Variants in SAMMSON observed in about 807,000 individuals in gnomAD.
SAMMSON encodes survival associated mitochondrial melanoma specific oncogenic non-coding RNA.
intron 4 of SAMMSON, among the ~76,000 whole-genome samples, chr3:70,213,434 G>A (rs1265580383): frequency 3.9e-5 from 6 of 152,052 alleles, no homozygotes; most frequent in South Asian, 2.1e-4. Context: ...TATTTCAAAC[G>A]TATAGACCAT....
At chr3:70,087,426 A>C (rs142032706) in intron 4 of SAMMSON, among the ~76,000 whole-genome samples, 4 of 152,306 alleles carry the variant, frequency 2.6e-5, no homozygotes, top group African/African-American at 7.2e-5. Context: ...TCTCAGCCTG[A>C]GACCTTTTTC....
chr3:70,112,511 C>T (rs1206811622), intron 4 of SAMMSON, among the ~76,000 whole-genome samples: 1 of 151,774 alleles, frequency 6.6e-6, no homozygotes, highest in East Asian at 1.9e-4. Context: ...TATGAGTTAG[C>T]CTGAAAGGAT....
chr3:70,294,614 A>AGCT (rs921639770), intron 7 of SAMMSON, among the ~76,000 whole-genome samples: 2 of 152,180 alleles, frequency 1.3e-5, no homozygotes, highest in African/African-American at 4.8e-5. Flanking sequence ...GCATGCTTTC[A>AGCT]GCTGCAAATA....
chr3:70,149,852 C>T (rs1263288504), intron 4 of SAMMSON, among the ~76,000 whole-genome samples: 3 of 151,954 alleles, frequency 2.0e-5, no homozygotes, highest in Non-Finnish European at 2.9e-5. Flanking sequence ...GGTTTGTGGC[C>T]CCAAGTTACA....
At position 70,402,645 on chromosome 3, in the gene SAMMSON, T is replaced by G. The variant is rs192790571; in HGVS notation, n.233+44321T>G. ...AGGAGGCTGAGGTGGGCGGACCACCTGAGGTCAGGAGTTCAAGACCAGCCT... is the reference window on the plus strand; with the variant it reads ...AGGAGGCTGAGGTGGGCGGACCACCGGAGGTCAGGAGTTCAAGACCAGCCT... On this transcript the variant is annotated intron_variant and non_coding_transcript_variant, in intron 2 of 3. Coordinates refer to the SAMMSON transcript ENST00000641053. Among the ~76,000 whole-genome samples the G allele has an allele frequency of 2.4e-3, 369 of 152,278 alleles. 4 individuals are homozygous for G. Among genetic ancestry groups the G allele is most frequent in the African/African-American group, 8.5e-3 (355 of 41,576 alleles).
chr3:70,086,723 T>C (rs2067286638), intron 4 of SAMMSON, among the ~76,000 whole-genome samples: 1 of 152,234 alleles, frequency 6.6e-6, no homozygotes, highest in South Asian at 2.1e-4. Context: ...TTCTTTCAAA[T>C]GTCCTTGCTG....
At chr3:70,048,389 T>G (rs944094768) in intron 3 of SAMMSON, among the ~76,000 whole-genome samples, 1 of 152,098 alleles carries the variant, frequency 6.6e-6, no homozygotes, top group Non-Finnish European at 1.5e-5. Context: ...CTTGAGAGGT[T>G]TTTATAAAGA....
intron 4 of SAMMSON, among the ~76,000 whole-genome samples, chr3:70,107,019 T>C (rs1032146233): frequency 6.6e-6 from 1 of 152,178 alleles, no homozygotes; most frequent in African/African-American, 2.4e-5. Context: ...TCTGCAAATA[T>C]TGGACACCCA....
intron 4 of SAMMSON, among the ~76,000 whole-genome samples, chr3:70,227,320 C>T (rs1297790359): frequency 1.3e-5 from 2 of 152,204 alleles, no homozygotes; most frequent in African/African-American, 4.8e-5. Flanking sequence ...ACTGTGATAA[C>T]AGTCTCTCTA....
intron 4 of SAMMSON, among the ~76,000 whole-genome samples, chr3:70,105,637 C>T (rs1471072737): frequency 6.6e-6 from 1 of 152,162 alleles, no homozygotes; most frequent in African/African-American, 2.4e-5. Flanking sequence ...GACCCCATTT[C>T]AATCTTGATG....
chr3:70,302,085 C>G (rs1702354728), intron 7 of SAMMSON, among the ~76,000 whole-genome samples: 1 of 152,074 alleles, frequency 6.6e-6, no homozygotes, highest in African/African-American at 2.4e-5. Flanking sequence ...GAGTTGTCCT[C>G]TCTACTTTTT....
intron 4 of SAMMSON, among the ~76,000 whole-genome samples, chr3:70,215,494 ATAAC>A (rs1701400134): frequency 6.6e-6 from 1 of 152,060 alleles, no homozygotes; most frequent in African/African-American, 2.4e-5. Context: ...TTCCTATTTG[ATAAC>A]TAATAACTGC....
At chr3:70,152,811 A>T (rs2067577020) in intron 4 of SAMMSON, among the ~76,000 whole-genome samples, 1 of 152,058 alleles carries the variant, frequency 6.6e-6, no homozygotes, top group Non-Finnish European at 1.5e-5. Flanking sequence ...GTGAAAATGA[A>T]TTGGAAAGTT....
chr3:70,107,561 C>A (rs578063843), intron 4 of SAMMSON, among the ~76,000 whole-genome samples: 1 of 150,954 alleles, frequency 6.6e-6, no homozygotes, highest in Non-Finnish European at 1.5e-5. Context: ...CTTTACCCAA[C>A]CCTCTTGTTC....
At chr3:70,307,439 A>G (rs1379209933) in intron 7 of SAMMSON, among the ~76,000 whole-genome samples, 3 of 152,088 alleles carry the variant, frequency 2.0e-5, no homozygotes, top group African/African-American at 4.8e-5. Flanking sequence ...AGGCACTGAA[A>G]TGCTTACCCA....
chr3:70,047,333 CTT>C (rs879262238), intron 3 of SAMMSON, among the ~76,000 whole-genome samples: 11 of 143,356 alleles, frequency 7.7e-5, no homozygotes, highest in Admixed American at 7.0e-5. Flanking sequence ...CTCTCTCTCT[CTT>C]TTTTTTTTTT....
intron 4 of SAMMSON, among the ~76,000 whole-genome samples, chr3:70,128,863 G>A (rs1246939646): frequency 6.6e-6 from 1 of 152,138 alleles, no homozygotes. Flanking sequence ...AAACATTTTT[G>A]CCTGGTATAT....
chr3:70,167,122 C>CT (rs1197893638), intron 4 of SAMMSON, among the ~76,000 whole-genome samples: 4 of 152,038 alleles, frequency 2.6e-5, no homozygotes, highest in South Asian at 4.2e-4. Context: ...ATCAGTATAA[C>CT]TTTTTTTAAC....
chr3:70,338,914 A>G (rs934202636), intron 7 of SAMMSON, among the ~76,000 whole-genome samples: 3 of 152,190 alleles, frequency 2.0e-5, no homozygotes, highest in Admixed American at 6.5e-5. Context: ...TAAAGTTCAC[A>G]TGGAACCAAA....
Sources: gnomAD v4.1 joint callset for allele counts (sites outside exome capture counted in the v4.1 genomes callset) on GRCh38, gnomAD v4.1.1 for gene constraint, MANE v1.5 for transcripts, NCBI Gene and HGNC (gene_info 2026-07-23, HGNC 2026-07-21) for gene names.